PDIA3: variants seen among roughly 807,000 people sequenced by gnomAD.
PDIA3 encodes protein disulfide-isomerase A3.
A neutral mutation model predicts 56.9 loss-of-function variants in PDIA3; 16 were observed. The observed-to-expected ratio is 0.28, with a 90% confidence interval of 0.19 to 0.43. The LOEUF (loss-of-function observed/expected upper bound fraction) is 0.43, where lower values mean the gene tolerates loss of function less well. Ranked by LOEUF, PDIA3 falls within the 20% of genes least tolerant of loss-of-function variation. The pLI is 1.00. For synonymous variants in PDIA3, 192 were observed against 216.5 expected, an observed-to-expected ratio of 0.89 and a Z score of 0.99; for missense variants, 485 against 621.3, an observed-to-expected ratio of 0.78 and a Z score of 2.33.
intron 3 of PDIA3, among the ~76,000 whole-genome samples, chr15:43,758,426 A>G (rs2086793707): frequency 6.6e-6 from 1 of 152,220 alleles, no homozygotes; most frequent in Admixed American, 6.5e-5. Context: ...TGGGAGGCCA[A>G]GGCAGGCAGA....
chr15:43,746,781 C>T (rs1567153708), intron 1 of PDIA3, 75 bp downstream of exon 1: 2 of 1,502,284 alleles, frequency 1.3e-6, no homozygotes, highest in Non-Finnish European at 1.8e-6. Flanking sequence ...AACTGTTGGG[C>T]CTACGCAGCG....
rs542588688 is a variant in PDIA3 at position 43,763,792 on chromosome 15, T to C, written c.602+586T>C. ...TTCTTCTTATGGGGTAGGGGGGTAA[T>C]ATCAGAAATATTCATAGAGGGGGTG... On this transcript the variant is annotated intron_variant, in intron 5 of 12. Transcript: ENST00000300289. 7.9e-5 allele frequency among the ~76,000 whole-genome samples: 12 copies of C among 151,690 alleles called. No individual in the cohort carries two copies. The South Asian group carries it at 2.5e-3, about 32-fold the overall frequency.
rs1395464317 is a variant in PDIA3 at position 43,770,318 on chromosome 15, T to C, written c.1335T>C (p.Tyr445=). 6.2e-7 allele frequency: 1 copy of C among 1,613,894 alleles called. No individual in the cohort carries two copies. The highest frequency in any genetic ancestry group is 2.2e-5 in the East Asian group (1 of 44,874). Residue 445 remains tyrosine (Y), a synonymous_variant, in exon 11 of 13, where the codon TAT becomes TAC. Transcript: ENST00000300289. ...DATANDVPSP[Y]EVRGFPTIYF... is the part of the protein sequence containing the mutation. Reference sequence around the variant, plus strand: ...CAGCCAATGATGTGCCTTCTCCATATGAAGTCAGAGGGTAAGTGGCTTAAA... The same window carrying C: ...CAGCCAATGATGTGCCTTCTCCATACGAAGTCAGAGGGTAAGTGGCTTAAA...
chr15:43,746,569 G>A lies in PDIA3; in HGVS notation c.30G>A (p.Pro10=). 6.2e-7 allele frequency: 1 copy of A among 1,611,258 alleles called. No individual in the cohort carries two copies. The highest frequency in any genetic ancestry group is 8.5e-7 in the Non-Finnish European group (1 of 1,179,478). The change falls in exon 1 of 13, where the codon CCG becomes CCA. Residue 10 remains proline, a synonymous_variant. Transcript: ENST00000300289. MRLRRLALF[P]GVALLLAAAR... is the part of the protein sequence containing the mutation. ...GCCTCCGCCGCCTAGCGCTGTTCCC[G>A]GGTGTGGCGCTGCTTCTTGCCGCGG...
At chr15:43,757,395 A>G (rs2086785284) in intron 3 of PDIA3, among the ~76,000 whole-genome samples, 1 of 151,912 alleles carries the variant, frequency 6.6e-6, no homozygotes. Context: ...CATCTCTACC[A>G]AAAATACAAA....
intron 2 of PDIA3, 137 bp from the exon 3 acceptor site, chr15:43,756,512 T>C: frequency 1.6e-6 from 1 of 633,336 alleles, no homozygotes; most frequent in Admixed American, 2.5e-5. Context: ...GCCTTTAAAA[T>C]CTAATGTTCT....
chr15:43,768,800 C>T (rs1288440758), intron 9 of PDIA3, among the ~76,000 whole-genome samples: 1 of 151,674 alleles, frequency 6.6e-6, no homozygotes, highest in Non-Finnish European at 1.5e-5. Flanking sequence ...AAGGCGGGCA[C>T]ATCACAAGGT....
rs1176212070 is a variant in PDIA3 at position 43,751,146 on chromosome 15, AAAT to A, written c.168-2673_168-2671del. 9.1e-5 allele frequency among the ~76,000 whole-genome samples: 12 copies of A among 131,544 alleles called. 2 individuals carry two copies. Among genetic ancestry groups the A allele is most frequent in the Admixed American group, 3.4e-4 (4 of 11,838 alleles). The allele number at this position is 131,544 out of a possible 152,430, so 86.3% of individuals were successfully genotyped here. ...GACTCCGTCTCGAAAAAAAAAAAAAAAATAATATATGTGCTAATTTCTTTACTT... is the reference window on the plus strand; with the variant it reads ...GACTCCGTCTCGAAAAAAAAAAAAAAAATATATGTGCTAATTTCTTTACTT... On this transcript the variant is annotated intron_variant, in intron 1 of 12. Transcript: ENST00000300289.
intron 4 of PDIA3, among the ~76,000 whole-genome samples, chr15:43,762,061 C>G (rs2086819747): frequency 6.6e-6 from 1 of 152,162 alleles, no homozygotes; most frequent in Non-Finnish European, 1.5e-5. Context: ...GTTGCAGTAT[C>G]TCGTTTTTAA....
chr15:43,746,896 C>G (rs2086710463), intron 1 of PDIA3, 190 bp downstream of exon 1: 5 of 621,016 alleles, frequency 8.1e-6, no homozygotes, highest in East Asian at 2.8e-5. Context: ...GCTGATCGGC[C>G]CAAGGAAAAC....
chr15:43,766,055 A>T (rs780406712), intron 7 of PDIA3, 43 bp downstream of exon 7: 1 of 1,574,740 alleles, frequency 6.4e-7, no homozygotes, highest in East Asian at 2.3e-5. Flanking sequence ...AGTTTACCCA[A>T]TGTATAGACA....
At chr15:43,767,556 T>A (rs2086855454) in intron 8 of PDIA3, among the ~76,000 whole-genome samples, 1 of 150,734 alleles carries the variant, frequency 6.6e-6, no homozygotes, top group South Asian at 2.1e-4. Context: ...GGCATGTGGA[T>A]CACAGGAGTT....
intron 5 of PDIA3, among the ~76,000 whole-genome samples, chr15:43,763,703 AAAGTGT>A (rs1347291123): frequency 2.6e-5 from 4 of 152,146 alleles, no homozygotes; most frequent in African/African-American, 9.7e-5. Flanking sequence ...TATAAAAATG[AAAGTGT>A]AAGTGTATGT....
chr15:43,766,016 A>G lies in PDIA3; in HGVS notation c.845+4A>G. The G allele has an allele frequency of 6.2e-7, 1 of 1,612,942 alleles. No individual in the cohort carries two copies. Among genetic ancestry groups the G allele is most frequent in the Non-Finnish European group, 8.5e-7 (1 of 1,179,454 alleles). ...GTTCCAACTACTGGAGAAACAGGTA[A>G]TAAGAATTATGTTTTTCCCTCATGA... On this transcript the variant is annotated splice_donor_region_variant and intron_variant, in intron 7 of 12. Coordinates refer to ENST00000300289, the MANE Select transcript of PDIA3 (RefSeq NM_005313.5).
At chr15:43,766,634 C>T (rs928280439) in intron 7 of PDIA3, 94 bp from the exon 8 acceptor site, 1 of 952,394 alleles carries the variant, frequency 1.0e-6, no homozygotes, top group Non-Finnish European at 1.6e-6. Context: ...AACTATAGAA[C>T]TTAGTCTTTG....
At chr15:43,751,154 T>C (rs915190082) in intron 1 of PDIA3, among the ~76,000 whole-genome samples, 1 of 148,770 alleles carries the variant, frequency 6.7e-6, no homozygotes, top group African/African-American at 2.5e-5. Flanking sequence ...AAAAATAATA[T>C]ATGTGCTAAT....
chr15:43,748,265 G>A (rs2086719870), intron 1 of PDIA3, among the ~76,000 whole-genome samples: 1 of 151,444 alleles, frequency 6.6e-6, no homozygotes, highest in South Asian at 2.1e-4. Flanking sequence ...ATCACCTGAG[G>A]TCGGGAGTTC....
chr15:43,755,783 C>T (rs1006232068), intron 2 of PDIA3, among the ~76,000 whole-genome samples: 2 of 151,740 alleles, frequency 1.3e-5, no homozygotes, highest in East Asian at 1.9e-4. Flanking sequence ...GTGTGGTGGC[C>T]GGTGCCTGCA....
At chr15:43,752,984 G>T in intron 1 of PDIA3, 1 of 430,868 alleles carries the variant, frequency 2.3e-6, no homozygotes. Flanking sequence ...ACTTCTCATG[G>T]CTAGGTGAAC....
Sources: allele counts gnomAD v4.1 joint callset (sites outside exome capture counted in the v4.1 genomes callset), GRCh38; gene constraint gnomAD v4.1.1; transcripts MANE v1.5; gene names NCBI Gene and HGNC (gene_info 2026-07-23, HGNC 2026-07-21).